USP47: variants seen among roughly 807,000 people sequenced by gnomAD.
USP47 encodes ubiquitin carboxyl-terminal hydrolase 47.
In USP47, 35 loss-of-function variants were observed where a neutral mutation model predicts 165.1. That is an observed-to-expected ratio of 0.21 (90% CI 0.16 to 0.28). The LOEUF (loss-of-function observed/expected upper bound fraction) is 0.28. USP47 is among the 10% of genes least tolerant of loss of function. The pLI is 1.00. For missense variants in USP47, 1,277 were observed against 1,607.4 expected (o/e 0.79, Z 3.52); for synonymous variants, 531 against 544.5 (o/e 0.98, Z 0.35).
At chr11:11,882,974 C>T (rs1346860823) in intron 2 of USP47, among the ~76,000 whole-genome samples, 2 of 152,054 alleles carry the variant, frequency 1.3e-5, no homozygotes, top group African/African-American at 2.4e-5. Flanking sequence ...TTTTATTTGC[C>T]TCCTGTACAT....
chr11:11,912,739 A>G (rs541793924), intron 8 of USP47, among the ~76,000 whole-genome samples: 2 of 152,220 alleles, frequency 1.3e-5, no homozygotes, highest in East Asian at 3.9e-4. Context: ...AGTATCCCTT[A>G]TATGTGTAGT....
In USP47 at chr11:11,942,661, T is replaced by C. The variant is rs945781877; in HGVS notation, c.2640T>C (p.Thr880=). The change falls in exon 20 of 28, where the codon ACT becomes ACC. Residue 880 remains threonine (T), a synonymous_variant. Transcript: ENST00000527733. ...ATAATGGGGACAGCAGCAAAAGTAC[T>C]GAGACAAGTGACTTTGAAAACATCG... ...DGDNGDSSKS[T]ETSDFENIES... The C allele has an allele frequency of 6.2e-7, 1 of 1,613,394 alleles. No homozygotes were observed. The highest frequency in any genetic ancestry group is 1.3e-5 in the African/African-American group (1 of 74,884).
intron 7 of USP47, 131 bp downstream of exon 7, chr11:11,903,473 T>C (rs544056346): frequency 2.6e-6 from 2 of 762,510 alleles, no homozygotes; most frequent in South Asian, 2.5e-5. Flanking sequence ...CAATGGGAAA[T>C]TGAAAGTACT....
Position 11,854,383 on chromosome 11 carries a change from A to G in USP47, c.39+12159A>G, listed in dbSNP as rs527272678. Among the ~76,000 whole-genome samples the G allele has an allele frequency of 4.1e-4, 61 of 147,234 alleles. 2 individuals are homozygous for G. Among genetic ancestry groups the G allele is most frequent in the African/African-American group, 1.4e-3 (57 of 41,316 alleles). ...AATACCAGCTGTCTGACATTGGACA[A>G]ATTCCTTAACCTGTCAGTACCTTAG... On this transcript the variant is annotated intron_variant, in intron 1 of 27. Coordinates refer to ENST00000527733, the MANE Select transcript of USP47 (RefSeq NM_001282659.2).
rs1564894299 is a variant in USP47 at position 11,948,513 on chromosome 11, A to G, written c.3303A>G (p.Gly1101=). The change falls in exon 22 of 28, where the codon GGA becomes GGG. Residue 1101 remains glycine, a synonymous_variant. Transcript: ENST00000527733. ...GACTGGGGAGAGCACTTAAAAAAGG[A>G]GAATACAGAGTTAAAGTATACCAGC... ...TIRLGRALKK[G]EYRVKVYQLL... is the part of the protein sequence containing the mutation. The G allele has an allele frequency of 6.2e-7, 1 of 1,613,210 alleles. No individual in the cohort carries two copies. Among genetic ancestry groups the G allele is most frequent in the Non-Finnish European group, 8.5e-7 (1 of 1,179,330 alleles).
At chr11:11,858,340 ATGAAAGGACATAAG>A (rs1304498954) in intron 1 of USP47, among the ~76,000 whole-genome samples, 1 of 152,176 alleles carries the variant, frequency 6.6e-6, no homozygotes, top group Non-Finnish European at 1.5e-5. Flanking sequence ...GTCTCAGGTA[ATGAAAGGACATAAG>A]TGAGACTTTT....
intron 1 of USP47, among the ~76,000 whole-genome samples, chr11:11,877,885 A>G (rs1278551756): frequency 2.1e-5 from 3 of 143,956 alleles, no homozygotes; most frequent in South Asian, 2.2e-4. Context: ...GATATTTGGA[A>G]GGATATATGC....
intron 3 of USP47, among the ~76,000 whole-genome samples, chr11:11,891,541 C>T (rs1048508076): frequency 4.6e-5 from 7 of 152,216 alleles, no homozygotes; most frequent in African/African-American, 1.7e-4. Context: ...TTTTTAAATG[C>T]ATAAGAATTC....
At position 11,903,273 on chromosome 11, in the gene USP47, G is replaced by T; in HGVS notation, c.750G>T (p.Gln250His). 1.2e-6 allele frequency: 2 copies of T among 1,608,664 alleles called. No individual in the cohort carries two copies. Among genetic ancestry groups the T allele is most frequent in the Non-Finnish European group, 1.7e-6 (2 of 1,177,214 alleles). The change falls in exon 7 of 28, where the codon CAG becomes CAT. Residue 250 changes from glutamine to histidine, a missense_variant. Around this residue, in one of 4 missense-constraint regions of USP47, gnomAD observed 175 missense variants for 295.8 expected, o/e 0.59. Transcript: ENST00000527733. ...FGWDSSEAWQQHDVQELCRVM... is the reference protein window; with the variant it reads ...FGWDSSEAWQHHDVQELCRVM... Reference sequence around the variant, plus strand: ...TTTATCTTAAAACAGCTTGGCAGCAGCATGATGTACAAGAACTATGCAGAG... The same window carrying T: ...TTTATCTTAAAACAGCTTGGCAGCATCATGATGTACAAGAACTATGCAGAG...
intron 1 of USP47, among the ~76,000 whole-genome samples, chr11:11,874,629 G>A (rs181578698): frequency 6.6e-6 from 1 of 150,868 alleles, no homozygotes; most frequent in Non-Finnish European, 1.5e-5. Flanking sequence ...GTGTGACCTC[G>A]GCTGACTGCA....
intron 11 of USP47, among the ~76,000 whole-genome samples, chr11:11,926,447 A>G (rs1428442844): frequency 6.6e-6 from 1 of 152,106 alleles, no homozygotes; most frequent in Non-Finnish European, 1.5e-5. Context: ...CATTTCTTCT[A>G]GGGTATCCAA....
Position 11,914,712 on chromosome 11 carries a change from C to G in USP47, c.970-5444C>G, listed in dbSNP as rs114888773. Among the ~76,000 whole-genome samples the G allele has an allele frequency of 2.9e-3, 445 of 152,224 alleles. 2 individuals carry two copies. The highest frequency in any genetic ancestry group is 0.01 in the African/African-American group (434 of 41,550). ...TCTAGACAATTGGCAAAAGACATAA[C>G]ATTTCATTAAAGAGGATATACAAAT... On this transcript the variant is annotated intron_variant, in intron 8 of 27. Transcript: ENST00000527733.
intron 3 of USP47, among the ~76,000 whole-genome samples, chr11:11,891,460 T>C (rs993390717): frequency 2.0e-5 from 3 of 152,234 alleles, no homozygotes; most frequent in Non-Finnish European, 2.9e-5. Context: ...TTTTGATTAG[T>C]CTGAGTGACA....
intron 17 of USP47, 145 bp from the exon 18 acceptor site, chr11:11,938,112 A>T (rs1855206435): frequency 1.6e-6 from 1 of 626,058 alleles, no homozygotes; most frequent in African/African-American, 1.8e-5. Flanking sequence ...GTAACTGGTG[A>T]TTTATATTTA....
intron 8 of USP47, among the ~76,000 whole-genome samples, chr11:11,919,011 T>A (rs1853631882): frequency 6.7e-6 from 1 of 149,354 alleles, no homozygotes; most frequent in South Asian, 2.1e-4. Flanking sequence ...ACCAATAAAA[T>A]GCATGGTCAT....
intron 5 of USP47, among the ~76,000 whole-genome samples, 153 bp from the exon 6 acceptor site, chr11:11,902,562 A>G (rs1852297503): frequency 6.6e-6 from 1 of 152,178 alleles, no homozygotes; most frequent in Non-Finnish European, 1.5e-5. Flanking sequence ...GGAAACACTA[A>G]TGTTTCATTA....
chr11:11,902,523 T>C (rs1480550070), intron 5 of USP47, among the ~76,000 whole-genome samples, 192 bp from the exon 6 acceptor site: 4 of 152,202 alleles, frequency 2.6e-5, no homozygotes, highest in Admixed American at 2.6e-4. Flanking sequence ...CTTGTTAAAG[T>C]CTAAAGTTCT....
At chr11:11,880,408 A>G in intron 2 of USP47, 28 bp downstream of exon 2, 1 of 1,266,800 alleles carries the variant, frequency 7.9e-7, no homozygotes, top group Non-Finnish European at 9.9e-7. Context: ...AGCTTCTAAA[A>G]ATGTTATTAT....
intron 1 of USP47, among the ~76,000 whole-genome samples, chr11:11,859,646 A>G (rs1259663316): frequency 6.6e-6 from 1 of 152,212 alleles, no homozygotes; most frequent in Non-Finnish European, 1.5e-5. Context: ...GAAAATTTAA[A>G]TATTGAAATT....
Sources: allele counts gnomAD v4.1 joint callset (sites outside exome capture counted in the v4.1 genomes callset), GRCh38; gene constraint gnomAD v4.1.1; regional missense constraint gnomAD v4.1.1; transcripts MANE v1.5; gene names NCBI Gene and HGNC (gene_info 2026-07-23, HGNC 2026-07-21).